Variants in SLC41A2 observed in about 807,000 individuals in gnomAD.
The protein encoded by SLC41A2 is SLC41A1-like 1.
Under a neutral mutation model 58.3 loss-of-function variants are expected in SLC41A2, and 32 were observed. That is an observed-to-expected ratio of 0.55 (90% CI 0.41 to 0.74). The LOEUF (loss-of-function observed/expected upper bound fraction) is 0.74, where lower values mean the gene tolerates loss of function less well. SLC41A2 is among the 30% of genes least tolerant of loss of function. The probability of loss-of-function intolerance (pLI) is 0.00; values close to 1 mark genes in which losing one functional copy is unlikely to be tolerated. For synonymous variants in SLC41A2, 190 were observed against 235.0 expected, an observed-to-expected ratio of 0.81 and a Z score of 1.75; for missense variants, 514 against 680.6, an observed-to-expected ratio of 0.76 and a Z score of 2.72.
intron 10 of SLC41A2, among the ~76,000 whole-genome samples, chr12:104,806,561 A>C (rs1427791549): frequency 6.6e-6 from 1 of 152,038 alleles, no homozygotes; most frequent in Admixed American, 6.5e-5. Flanking sequence ...ATGATTTATA[A>C]TCCTTTGGGT....
chr12:104,879,919 C>T (rs1350733290), intron 6 of SLC41A2, among the ~76,000 whole-genome samples: 1 of 152,104 alleles, frequency 6.6e-6, no homozygotes, highest in East Asian at 1.9e-4. Flanking sequence ...GAATGTTCTT[C>T]CATTTCTTTG....
chr12:104,841,666 C>T (rs2220813), intron 10 of SLC41A2, among the ~76,000 whole-genome samples: 97,353 of 151,888 alleles, frequency 0.64, 31,696 homozygotes, highest in African/African-American at 0.73. Flanking sequence ...GAAGAGATGA[C>T]ATCTGAGTAA....
intron 8 of SLC41A2, among the ~76,000 whole-genome samples, chr12:104,856,518 G>C (rs577992325): frequency 1.3e-5 from 2 of 152,264 alleles, no homozygotes; most frequent in Admixed American, 6.5e-5. Flanking sequence ...ACAGAAGCTT[G>C]AGAAGGCAGA....
At chr12:104,842,712 A>C (rs981270905) in intron 10 of SLC41A2, among the ~76,000 whole-genome samples, 1 of 152,130 alleles carries the variant, frequency 6.6e-6, no homozygotes, top group Non-Finnish European at 1.5e-5. Context: ...GTGAGACTTT[A>C]GATCAGAGGT....
intron 2 of SLC41A2, 74 bp downstream of exon 2, chr12:104,927,899 C>T (rs2046906831): frequency 2.2e-6 from 3 of 1,341,054 alleles, no homozygotes; most frequent in Admixed American, 2.4e-5. Context: ...AGAGTAGTAA[C>T]CTACATAAAG....
chr12:104,945,196 A>C (rs7133934), intron 1 of SLC41A2, among the ~76,000 whole-genome samples: 56,336 of 151,174 alleles, frequency 0.37, 11,203 homozygotes, highest in South Asian at 0.56. Flanking sequence ...AAAAATAAAA[A>C]GTAAGAAAAG....
At chr12:104,845,019 C>A (rs945605299) in intron 9 of SLC41A2, among the ~76,000 whole-genome samples, 1 of 152,110 alleles carries the variant, frequency 6.6e-6, no homozygotes, top group Non-Finnish European at 1.5e-5. Flanking sequence ...CACAGTGGCT[C>A]ACACCTGTAA....
Position 104,925,421 on chromosome 12 carries a change from G to A in SLC41A2, c.555+2552C>T, listed in dbSNP as rs1013401822. Among the ~76,000 whole-genome samples the A allele has an allele frequency of 2.6e-5, 4 of 152,234 alleles. No individual in the cohort carries two copies. In the East Asian group the frequency reaches 5.8e-4, roughly 22 times the overall value. On this transcript the variant is annotated intron_variant, in intron 2 of 10. Coordinates refer to ENST00000258538, the MANE Select transcript of SLC41A2 (RefSeq NM_001352171.3). ...AAAATACAAAAAATTAGCCGGGCGC[G>A]GTGGCGGGCGCCTGTAGTCCCAGCT...
intron 10 of SLC41A2, among the ~76,000 whole-genome samples, chr12:104,826,747 T>C (rs1413991642): frequency 3.9e-5 from 6 of 152,196 alleles, no homozygotes; most frequent in Non-Finnish European, 5.9e-5. Context: ...CAGATGACCC[T>C]GATAGATATA....
intron 8 of SLC41A2, among the ~76,000 whole-genome samples, chr12:104,854,584 C>A (rs1006183709): frequency 5.7e-5 from 7 of 122,124 alleles, no homozygotes; most frequent in Non-Finnish European, 1.1e-4. Flanking sequence ...AAAAAAAAAA[C>A]ACCGCCTTAG....
rs1566081713 is a variant in SLC41A2, at chr12:104,803,301, A to T, written c.*1851T>A. 6.6e-6 allele frequency: 1 copy of T among 152,100 alleles called. No individual in the cohort carries two copies. Among genetic ancestry groups the T allele is most frequent in the Non-Finnish European group, 1.5e-5 (1 of 68,006 alleles). 9.4% of individuals were successfully genotyped at this position (152,100 alleles called of 1,614,324 possible). Reference sequence around the variant, plus strand: ...TGCAGCTAAATATTCATCAACTTAAACTTATTCTTTCTTTTATAAGAATGT... The same window carrying T: ...TGCAGCTAAATATTCATCAACTTAATCTTATTCTTTCTTTTATAAGAATGT... On this transcript the variant is annotated 3_prime_UTR_variant, in exon 11 of 11. Transcript: ENST00000258538.
chr12:104,853,914 T>TTATTATTA (rs2042910944), intron 8 of SLC41A2, among the ~76,000 whole-genome samples: 13 of 29,230 alleles, frequency 4.4e-4, no homozygotes, highest in Non-Finnish European at 8.2e-4. Flanking sequence ...CTGGCTGATT[T>TTATTATTA]TTTTTTTTTT....
chr12:104,909,643 G>GA lies in SLC41A2; in HGVS notation c.663+11dup. The GA allele has an allele frequency of 6.3e-7, 1 of 1,577,912 alleles. No homozygotes were observed. Among genetic ancestry groups the GA allele is most frequent in the Non-Finnish European group, 8.7e-7 (1 of 1,154,490 alleles). ...AGGTAATACACATAATTTGAGGTAG[G>GA]AAAAAACTTACTGCAGTGGATAATC... On this transcript the variant is annotated intron_variant, in intron 3 of 10. Transcript: ENST00000258538.
At chr12:104,848,815 G>C (rs934253712) in intron 8 of SLC41A2, among the ~76,000 whole-genome samples, 11 of 151,726 alleles carry the variant, frequency 7.2e-5, no homozygotes, top group African/African-American at 2.7e-4. Context: ...AATAAATGCA[G>C]AATAATTTAT....
chr12:104,847,623 G>C (rs1423474046), intron 8 of SLC41A2, among the ~76,000 whole-genome samples: 1 of 90,978 alleles, frequency 1.1e-5, no homozygotes, highest in African/African-American at 4.3e-5. Context: ...AAAAAAAAAA[G>C]TCAAGTCCTC....
At chr12:104,866,790 A>G (rs950039454) in intron 6 of SLC41A2, among the ~76,000 whole-genome samples, 1 of 152,172 alleles carries the variant, frequency 6.6e-6, no homozygotes, top group Non-Finnish European at 1.5e-5. Flanking sequence ...TTAATTCAAT[A>G]AACATTTACT....
At chr12:104,870,834 C>A (rs2043734183) in intron 6 of SLC41A2, among the ~76,000 whole-genome samples, 1 of 152,136 alleles carries the variant, frequency 6.6e-6, no homozygotes, top group South Asian at 2.1e-4. Flanking sequence ...ATGTAAACAA[C>A]AAAGCAATGG....
intron 7 of SLC41A2, 76 bp downstream of exon 7, chr12:104,866,356 G>A: frequency 7.0e-7 from 1 of 1,420,324 alleles, no homozygotes; most frequent in African/African-American, 1.5e-5. Flanking sequence ...TATGCTTATA[G>A]AAGACACACA....
chr12:104,897,855 A>G (rs766010235), intron 3 of SLC41A2, among the ~76,000 whole-genome samples: 1 of 152,200 alleles, frequency 6.6e-6, no homozygotes, highest in Non-Finnish European at 1.5e-5. Flanking sequence ...TAAAAACTAC[A>G]TCAACAGTTG....
Sources: gnomAD v4.1 joint callset for allele counts (sites outside exome capture counted in the v4.1 genomes callset) on GRCh38, gnomAD v4.1.1 for gene constraint, MANE v1.5 for transcripts, NCBI Gene and HGNC (gene_info 2026-07-23, HGNC 2026-07-21) for gene names.